Variants in RMND5B observed in about 807,000 individuals in gnomAD.
The protein encoded by RMND5B is E3 ubiquitin-protein transferase RMND5B.
A neutral mutation model predicts 50.4 loss-of-function variants in RMND5B; 42 were observed. That is an observed-to-expected ratio of 0.83 (90% CI 0.65 to 1.08). RMND5B has a LOEUF of 1.08. RMND5B is among the 50% of genes least tolerant of loss of function. RMND5B has a pLI of 0.00. For missense variants in RMND5B, 463 were observed against 508.5 expected (o/e 0.91, Z 0.86); for synonymous variants, 220 against 210.0 (o/e 1.05, Z -0.41).
intron 8 of RMND5B, chr5:178,146,917 T>G (rs949478631): frequency 1.3e-5 from 2 of 158,858 alleles, no homozygotes; most frequent in African/African-American, 4.8e-5. Context: ...CACCTCAATA[T>G]AGTGGACTGA....
At chr5:178,143,859 C>A in intron 6 of RMND5B, 83 bp from the exon 7 acceptor site, 2 of 1,544,018 alleles carry the variant, frequency 1.3e-6, no homozygotes, top group Admixed American at 1.7e-5. Context: ...CTCACACAGG[C>A]TTTTGGGGCC....
At position 178,149,039 on chromosome 5, in the gene RMND5B, T is replaced by G. The variant is rs902683834; in HGVS notation, c.*1007T>G. On this transcript the variant is annotated 3_prime_UTR_variant, in exon 11 of 11. Coordinates refer to ENST00000313386, the MANE Select transcript of RMND5B (RefSeq NM_022762.5). The stretch of plus-strand genomic sequence containing the variant: ...AGGGATTGGGTTACTAGGGCCATTA[T>G]GTTAAGCAAGAGAGCTCGGGGGAAT... 1 of 152,412 alleles carries G rather than the reference T, an allele frequency of 6.6e-6. No homozygotes were observed. Among genetic ancestry groups the G allele is most frequent in the African/African-American group, 2.4e-5 (1 of 41,460 alleles). The allele number at this position is 152,412 out of a possible 1,614,324, so 9.4% of individuals were successfully genotyped here. A position where few individuals can be genotyped will look rare whatever the true frequency, so the allele number is the denominator to read the frequency against.
chr5:178,147,499 C>G (rs770751286), intron 8 of RMND5B, 34 bp from the exon 9 acceptor site: 2 of 1,587,884 alleles, frequency 1.3e-6, no homozygotes, highest in East Asian at 4.5e-5. Context: ...CTGCTGTGAT[C>G]TGAGCCACTC....
intron 2 of RMND5B, among the ~76,000 whole-genome samples, chr5:178,132,007 C>T (rs1159930656): frequency 6.6e-6 from 1 of 151,938 alleles, no homozygotes; most frequent in Non-Finnish European, 1.5e-5. Flanking sequence ...GGATGGAGGT[C>T]GCGGCTGCAA....
chr5:178,146,845 C>A (rs1196020966), intron 8 of RMND5B: 1 of 156,546 alleles, frequency 6.4e-6, no homozygotes, highest in African/African-American at 2.4e-5. Context: ...CAGAGCCACA[C>A]ACTCCGCCAC....
chr5:178,132,081 G>A (rs889222270), intron 2 of RMND5B, among the ~76,000 whole-genome samples: 1 of 152,200 alleles, frequency 6.6e-6, no homozygotes, highest in Non-Finnish European at 1.5e-5. Flanking sequence ...GGGAGGCTGA[G>A]ACTGGCAGAC....
At position 178,147,589 on chromosome 5, in the gene RMND5B, AGCAGCG is replaced by A. The variant is rs1446316066; in HGVS notation, c.922_927del (p.Arg308_Gln309del). 30 of 1,614,076 alleles carry A rather than the reference AGCAGCG, an allele frequency of 1.9e-5. No homozygotes were observed. The highest frequency in any genetic ancestry group is 2.5e-5 in the Non-Finnish European group (29 of 1,180,024). Reference sequence around the variant, plus strand: ...TTGATGAACATCAAGGCTGTGATTGAGCAGCGGCAGTGCACTGGGGTCTGGAATCAC... The same window carrying A: ...TTGATGAACATCAAGGCTGTGATTGAGCAGTGCACTGGGGTCTGGAATCAC... On this transcript the variant is annotated inframe_deletion, in exon 9 of 11. Coordinates refer to ENST00000313386, the MANE Select transcript of RMND5B (RefSeq NM_022762.5).
rs989546216 is a variant in RMND5B, at chr5:178,147,323, T to G, written c.861-210T>G. 2.4e-5 allele frequency: 14 copies of G among 579,292 alleles called. 1 individual carries two copies. Among genetic ancestry groups the G allele is most frequent in the Middle Eastern group, 4.6e-4 (1 of 2,164 alleles). The allele number at this position is 579,292 out of a possible 1,614,324, so 35.9% of individuals were successfully genotyped here. A position where few individuals can be genotyped will look rare whatever the true frequency, so the allele number is the denominator to read the frequency against. On this transcript the variant is annotated intron_variant, in intron 8 of 10. Coordinates refer to ENST00000313386, the MANE Select transcript of RMND5B (RefSeq NM_022762.5). ...GTCTTCCCTGTAGGTTCTCAAATTT[T>G]GGGGTGCATTAGAATGAGTCTGTAG... is the stretch of plus-strand genomic sequence containing the variant.
In RMND5B at chr5:178,149,189, G is replaced by A. The variant is rs1416421841; in HGVS notation, c.*1157G>A. ...GGAATGGGGGTGTTCCTGATGTGGG[G>A]GCTTTAGGCTTCCATGAAGTGGGTC... On this transcript the variant is annotated 3_prime_UTR_variant, in exon 11 of 11. Coordinates refer to ENST00000313386, the MANE Select transcript of RMND5B (RefSeq NM_022762.5). 6.5e-6 allele frequency: 1 copy of A among 153,388 alleles called. No homozygotes were observed. The highest frequency in any genetic ancestry group is 6.5e-5 in the Admixed American group (1 of 15,388). The allele number at this position is 153,388 out of a possible 1,614,324, so 9.5% of individuals were successfully genotyped here.
At chr5:178,134,155 G>A (rs1365729901) in intron 2 of RMND5B, among the ~76,000 whole-genome samples, 1 of 152,190 alleles carries the variant, frequency 6.6e-6, no homozygotes, top group African/African-American at 2.4e-5. Context: ...GGCTGTTACT[G>A]TGCTGCAGTA....
In RMND5B at chr5:178,138,534, T is replaced by A; in HGVS notation, c.139+276T>A. 1.7e-6 allele frequency: 1 copy of A among 575,270 alleles called. No homozygotes were observed. Among genetic ancestry groups the A allele is most frequent in the Non-Finnish European group, 2.5e-6 (1 of 396,580 alleles). The allele number at this position is 575,270 out of a possible 1,614,324, so 35.6% of individuals were successfully genotyped here. ...CATTTTATAATTGTGTGTGTGTGTG[T>A]GTGTGTGTGTGTGTAGAAACAGTGT... On this transcript the variant is annotated intron_variant, in intron 3 of 10. Coordinates refer to ENST00000313386, the MANE Select transcript of RMND5B (RefSeq NM_022762.5). The surrounding 1 kb of genome is among the most constrained non-coding windows in gnomAD (Gnocchi z 5.1).
At chr5:178,143,784 G>A (rs1239432221) in intron 6 of RMND5B, 57 bp downstream of exon 6, 5 of 1,477,266 alleles carry the variant, frequency 3.4e-6, no homozygotes, top group African/African-American at 1.4e-5. Context: ...CAGGGCACAG[G>A]GCTTGACTGT....
At position 178,138,499 on chromosome 5, in the gene RMND5B, A is replaced by C; in HGVS notation, c.139+241A>C. On this transcript the variant is annotated intron_variant, in intron 3 of 10. Transcript: ENST00000313386. This position sits in a 1 kb window ranked among gnomAD's most constrained non-coding sequence, Gnocchi z 5.1. ...GTTTTCAACTTACTTTTCTATTTTT[A>C]ACTTTTTTTCATTTTATAATTGTGT... The C allele has an allele frequency of 1.9e-6, 2 of 1,049,022 alleles. No homozygotes were observed. Among genetic ancestry groups the C allele is most frequent in the Non-Finnish European group, 2.5e-6 (2 of 793,756 alleles). The allele number at this position is 1,049,022 out of a possible 1,614,324, so 65.0% of individuals were successfully genotyped here.
rs200995810 is a variant in RMND5B at position 178,147,636 on chromosome 5, G to A, written c.963+1G>A. On this transcript the variant is annotated splice_donor_variant, in intron 9 of 10. Coordinates refer to ENST00000313386, the MANE Select transcript of RMND5B (RefSeq NM_022762.5). LOFTEE classifies it high-confidence loss of function. ...CTGGAATCACAAGGACGAGTTACCGGTGAGGCCTGGTCTGGGGAATCGTGG... is the reference window on the plus strand; with the variant it reads ...CTGGAATCACAAGGACGAGTTACCGATGAGGCCTGGTCTGGGGAATCGTGG... 6.2e-7 allele frequency: 1 copy of A among 1,614,070 alleles called. No individual in the cohort carries two copies. Among genetic ancestry groups the A allele is most frequent in the Non-Finnish European group, 8.5e-7 (1 of 1,180,026 alleles).
chr5:178,144,749 G>A (rs558364491), intron 7 of RMND5B, among the ~76,000 whole-genome samples: 5 of 126,420 alleles, frequency 4.0e-5, no homozygotes, highest in Non-Finnish European at 8.6e-5. Context: ...GTCTGGGTGC[G>A]ATGGCTCATG....
rs1242990963 is a variant in RMND5B, at chr5:178,137,516, G to A, written c.-12-592G>A. Among the ~76,000 whole-genome samples the A allele has an allele frequency of 6.6e-6, 1 of 151,820 alleles. No individual in the cohort carries two copies. Among genetic ancestry groups the A allele is most frequent in the Non-Finnish European group, 1.5e-5 (1 of 67,980 alleles). Reference sequence around the variant, plus strand: ...CAGCCAGGGCAACACAGAGAGACCCGTCTCTACGAAAAAAAATTTTAAATT... The same window carrying A: ...CAGCCAGGGCAACACAGAGAGACCCATCTCTACGAAAAAAAATTTTAAATT... On this transcript the variant is annotated intron_variant, in intron 2 of 10. Transcript: ENST00000313386. This position sits in a 1 kb window ranked among gnomAD's most constrained non-coding sequence, Gnocchi z 4.4.
intron 3 of RMND5B, chr5:178,141,923 C>G (rs1272854565): frequency 6.6e-6 from 1 of 152,556 alleles, no homozygotes; most frequent in Non-Finnish European, 1.5e-5. Flanking sequence ...TTGGACAGTT[C>G]ATATACAAGG....
rs377061927 is a variant in RMND5B at position 178,147,469 on chromosome 5, C to T, written c.861-64C>T. The T allele has an allele frequency of 7.4e-4, 971 of 1,311,684 alleles. 2 individuals carry two copies. Among genetic ancestry groups the T allele is most frequent in the Admixed American group, 1.5e-3 (77 of 51,782 alleles). The allele number at this position is 1,311,684 out of a possible 1,614,324, so 81.3% of individuals were successfully genotyped here. ...TCAAGGTCCATGCTGAAGCATGGCG[C>T]GCTGGCCCTTTTTGCCTGTCTGCTG... is the stretch of plus-strand genomic sequence containing the variant. On this transcript the variant is annotated intron_variant, in intron 8 of 10. Transcript: ENST00000313386.
intron 5 of RMND5B, 47 bp downstream of exon 5, chr5:178,143,039 C>T: frequency 6.4e-7 from 1 of 1,574,542 alleles, no homozygotes; most frequent in Non-Finnish European, 8.6e-7. Context: ...CTCTGCCTTT[C>T]ACCTGCTAGT....
Sources: allele counts gnomAD v4.1 joint callset (sites outside exome capture counted in the v4.1 genomes callset), GRCh38; gene constraint gnomAD v4.1.1; non-coding constraint Gnocchi (gnomAD v3.1); transcripts MANE v1.5; gene names NCBI Gene and HGNC (gene_info 2026-07-23, HGNC 2026-07-21).